Variants in CNTN4 observed in about 807,000 individuals in gnomAD.
CNTN4 encodes contactin-4.
A neutral mutation model predicts 122.5 loss-of-function variants in CNTN4; 77 were observed. That is an observed-to-expected ratio of 0.63 (90% confidence interval 0.52 to 0.76). The LOEUF (loss-of-function observed/expected upper bound fraction) is 0.76, where lower values mean the gene tolerates loss of function less well. Among genes scored for constraint, CNTN4 ranks in the 30% least tolerant of loss-of-function variants. The pLI is 0.00. For synonymous variants in CNTN4, 512 were observed against 447.0 expected (o/e 1.15, Z -1.83); for missense variants, 1,256 against 1,259.1 (o/e 1.00, Z 0.04).
chr3:2,756,939 G>A (rs1278620258), intron 6 of CNTN4, among the ~76,000 whole-genome samples: 3 of 152,076 alleles, frequency 2.0e-5, no homozygotes, highest in Admixed American at 6.5e-5. Context: ...CTTGTTTGCA[G>A]TGGTTCCAGG....
At chr3:2,765,100 C>A (rs2090786461) in intron 6 of CNTN4, among the ~76,000 whole-genome samples, 1 of 152,160 alleles carries the variant, frequency 6.6e-6, no homozygotes, top group Non-Finnish European at 1.5e-5. Context: ...TAATAAAATA[C>A]CCAGACTCAA....
At chr3:2,472,635 A>G (rs889076869) in intron 3 of CNTN4, among the ~76,000 whole-genome samples, 3 of 152,210 alleles carry the variant, frequency 2.0e-5, no homozygotes, top group African/African-American at 7.2e-5. Context: ...AAGTTGAAAA[A>G]GGAAAGAGGC....
intron 2 of CNTN4, among the ~76,000 whole-genome samples, chr3:2,292,014 G>A (rs1237832212): frequency 6.6e-6 from 1 of 152,162 alleles, no homozygotes; most frequent in Non-Finnish European, 1.5e-5. Flanking sequence ...GGGATTACAG[G>A]CGTGAGCCAC....
intron 14 of CNTN4, among the ~76,000 whole-genome samples, chr3:3,024,456 G>T (rs1698564207): frequency 1.4e-5 from 2 of 147,942 alleles, no homozygotes; most frequent in African/African-American, 5.0e-5. Flanking sequence ...CAATATAGCG[G>T]ATTTTTATTA....
intron 14 of CNTN4, among the ~76,000 whole-genome samples, chr3:3,009,353 G>T (rs1466636257): frequency 6.6e-6 from 1 of 152,010 alleles, no homozygotes. Context: ...CCCTTTTCTT[G>T]TTTATGCAAA....
intron 14 of CNTN4, among the ~76,000 whole-genome samples, chr3:3,009,441 C>A (rs1413367689): frequency 6.7e-6 from 1 of 149,230 alleles, no homozygotes; most frequent in South Asian, 2.1e-4. Context: ...GACAGAATTT[C>A]TTTTTTTTTT....
At chr3:2,434,011 T>C (rs1185371205) in intron 3 of CNTN4, among the ~76,000 whole-genome samples, 1 of 152,014 alleles carries the variant, frequency 6.6e-6, no homozygotes, top group Non-Finnish European at 1.5e-5. Flanking sequence ...AGGGATTGGA[T>C]AGGGAAAGGG....
intron 4 of CNTN4, among the ~76,000 whole-genome samples, chr3:2,725,344 G>A (rs1441327040): frequency 1.3e-5 from 2 of 152,092 alleles, no homozygotes; most frequent in Admixed American, 1.3e-4. Flanking sequence ...CCAAATCTAT[G>A]TAATCAGAAA....
intron 14 of CNTN4, among the ~76,000 whole-genome samples, chr3:3,023,646 G>A (rs1008842774): frequency 6.6e-6 from 1 of 152,184 alleles, no homozygotes; most frequent in African/African-American, 2.4e-5. Context: ...TCATAAGTCT[G>A]ATGTGTAGGC....
intron 2 of CNTN4, among the ~76,000 whole-genome samples, chr3:2,250,768 A>G (rs945467720): frequency 8.6e-5 from 13 of 151,904 alleles, no homozygotes; most frequent in Non-Finnish European, 1.8e-4. Flanking sequence ...AAGAATGTGT[A>G]ATCTTAACAG....
chr3:2,720,861 C>T (rs2087806971), intron 4 of CNTN4, among the ~76,000 whole-genome samples: 1 of 152,198 alleles, frequency 6.6e-6, no homozygotes, highest in Non-Finnish European at 1.5e-5. Flanking sequence ...GAAGTTGAGG[C>T]ACAAAGTCTA....
intron 4 of CNTN4, among the ~76,000 whole-genome samples, chr3:2,642,607 G>T: frequency 6.6e-6 from 1 of 152,058 alleles, no homozygotes; most frequent in African/African-American, 2.4e-5. Context: ...TACAGAAACA[G>T]GTATATGTAT....
chr3:2,169,526 C>T (rs984525556), intron 2 of CNTN4, among the ~76,000 whole-genome samples: 5 of 150,604 alleles, frequency 3.3e-5, no homozygotes, highest in Non-Finnish European at 1.5e-5. Context: ...CCTGCCTCAG[C>T]CTCCCGAGTA....
intron 3 of CNTN4, among the ~76,000 whole-genome samples, chr3:2,406,352 CTCA>C (rs1275611542): frequency 1.3e-5 from 2 of 152,174 alleles, no homozygotes; most frequent in African/African-American, 4.8e-5. Flanking sequence ...TAACTTCAAT[CTCA>C]TCATGAGGCT....
intron 3 of CNTN4, among the ~76,000 whole-genome samples, chr3:2,553,643 G>A (rs961198754): frequency 6.6e-6 from 1 of 152,118 alleles, no homozygotes; most frequent in Non-Finnish European, 1.5e-5. Flanking sequence ...ATATCTTCCA[G>A]TATTTTTGGG....
chr3:2,622,651 T>G (rs1344323790), intron 4 of CNTN4, among the ~76,000 whole-genome samples: 1 of 152,194 alleles, frequency 6.6e-6, no homozygotes, highest in Non-Finnish European at 1.5e-5. Flanking sequence ...AAATAATAAT[T>G]AGTACTGTTC....
At chr3:2,584,994 G>T (rs1049866270) in intron 4 of CNTN4, among the ~76,000 whole-genome samples, 8 of 152,130 alleles carry the variant, frequency 5.3e-5, no homozygotes, top group Non-Finnish European at 1.2e-4. Flanking sequence ...TACCAAGTCT[G>T]TTGGGCAATC....
At chr3:2,440,870 T>TATATGTATATATATATACATGTATCTAAC (rs2048413236) in intron 3 of CNTN4, among the ~76,000 whole-genome samples, 1 of 72,750 alleles carries the variant, frequency 1.4e-5, no homozygotes, top group Non-Finnish European at 3.5e-5. Flanking sequence ...ATCTAACATA[T>TATATGTATATATATATACATGTATCTAAC]ATGTATATAT....
At chr3:2,560,239 C>T (rs1173456995) in intron 3 of CNTN4, among the ~76,000 whole-genome samples, 7 of 151,730 alleles carry the variant, frequency 4.6e-5, no homozygotes, top group Non-Finnish European at 7.4e-5. Context: ...TTCCCAGGCT[C>T]AGGTGATTCT....
Sources: gnomAD v4.1 joint callset for allele counts (sites outside exome capture counted in the v4.1 genomes callset) on GRCh38, gnomAD v4.1.1 for gene constraint, MANE v1.5 for transcripts, NCBI Gene and HGNC (gene_info 2026-07-23, HGNC 2026-07-21) for gene names.